Variants in POLE4 observed in about 807,000 individuals in gnomAD.
The protein encoded by POLE4 is DNA polymerase epsilon 4, accessory subunit.
In POLE4, 15 loss-of-function variants were observed where a neutral mutation model predicts 15.6. The ratio of observed to expected loss-of-function variants is 0.96; its 90% CI spans 0.64 to 1.48. The LOEUF is 1.48. POLE4 is among the 40% of genes most tolerant of loss of function. POLE4 has a pLI of 0.00. For missense variants in POLE4, 205 were observed against 151.9 expected (o/e 1.35, Z -1.84); for synonymous variants, 83 against 63.2 (o/e 1.31, Z -1.49).
intron 3 of POLE4, among the ~76,000 whole-genome samples, chr2:74,966,189 C>T (rs1671293705): frequency 6.6e-6 from 1 of 151,902 alleles, no homozygotes; most frequent in Non-Finnish European, 1.5e-5. Context: ...TTTATCAAAG[C>T]CTATTTAGTA....
chr2:74,962,265 T>C (rs1573427428), intron 3 of POLE4, among the ~76,000 whole-genome samples: 1 of 152,248 alleles, frequency 6.6e-6, no homozygotes, highest in Non-Finnish European at 1.5e-5. Context: ...ATTTTTAATG[T>C]ATTCCTTGAC....
intron 2 of POLE4, 149 bp from the exon 3 acceptor site, chr2:74,959,956 A>G (rs1425444832): frequency 1.0e-5 from 7 of 670,614 alleles, no homozygotes; most frequent in Non-Finnish European, 1.6e-5. Flanking sequence ...CTGGTAGAGT[A>G]GATATGGATC....
chr2:74,969,059 C>G (rs1347000519), intron 3 of POLE4, among the ~76,000 whole-genome samples: 1 of 152,116 alleles, frequency 6.6e-6, no homozygotes, highest in Non-Finnish European at 1.5e-5. Context: ...CTGAAACTTT[C>G]TAAAAAGATT....
Position 74,959,957 on chromosome 2 carries a change from G to C in POLE4, c.299-148G>C, listed in dbSNP as rs572280121. On this transcript the variant is annotated intron_variant, in intron 2 of 3. Transcript: ENST00000483063. ...ATATATAAGAGTTGCTGGTAGAGTAGATATGGATCTCAAGGCAGCAAGGGA... is the reference window on the plus strand; with the variant it reads ...ATATATAAGAGTTGCTGGTAGAGTACATATGGATCTCAAGGCAGCAAGGGA... The C allele has an allele frequency of 8.9e-6, 6 of 673,760 alleles. No individual in the cohort carries two copies. In the East Asian group the frequency reaches 1.5e-4, roughly 17 times the overall value. The allele number at this position is 673,760 out of a possible 1,614,324, so 41.7% of individuals were successfully genotyped here.
chr2:74,959,175 G>A (rs1413239956), intron 1 of POLE4, 166 bp from the exon 2 acceptor site: 3 of 620,962 alleles, frequency 4.8e-6, no homozygotes, highest in South Asian at 4.0e-5. Context: ...ACTGGGAAGA[G>A]GGTAGCGGAA....
chr2:74,958,778 G>T lies in POLE4; in HGVS notation c.99G>T (p.Val33=), dbSNP rs1483813033. Residue 33 remains valine, a synonymous_variant, in exon 1 of 4, where the codon GTG becomes GTT. Transcript: ENST00000483063. ...AASQPQAPTS[V]PGARLSRLPL... ...CGCAGCCCCAGGCCCCAACGAGTGT[G>T]CCTGGGGCTCGTCTCTCGAGGTTGC... 6.5e-7 allele frequency: 1 copy of T among 1,550,306 alleles called. No homozygotes were observed. Among genetic ancestry groups the T allele is most frequent in the East Asian group, 2.5e-5 (1 of 40,684 alleles).
intron 3 of POLE4, among the ~76,000 whole-genome samples, chr2:74,966,054 T>TTTTTTC (rs1317442741): frequency 6.6e-6 from 1 of 152,048 alleles, no homozygotes; most frequent in Non-Finnish European, 1.5e-5. Context: ...GTTTTGTTTT[T>TTTTTTC]TTTTTCTCTC....
In POLE4 at chr2:74,958,844, C is replaced by T. The variant is rs778591490; in HGVS notation, c.165C>T (p.Asp55=). The change falls in exon 1 of 4, where the codon GAC becomes GAT. Residue 55 remains aspartate (D), a synonymous_variant. Coordinates refer to ENST00000483063, the MANE Select transcript of POLE4 (RefSeq NM_019896.4). ...RVKALVKADP[D]VTLAGQEAIF... is the part of the protein sequence containing the mutation. ...AGGCCTTGGTGAAGGCAGATCCCGA[C>T]GTGACGCTAGCGGGACAGGAAGCCA... 1.9e-6 allele frequency: 3 copies of T among 1,561,166 alleles called. No individual in the cohort carries two copies. Among genetic ancestry groups the T allele is most frequent in the Non-Finnish European group, 2.6e-6 (3 of 1,152,830 alleles).
At chr2:74,968,410 T>C (rs1273257969) in intron 3 of POLE4, among the ~76,000 whole-genome samples, 1 of 151,938 alleles carries the variant, frequency 6.6e-6, no homozygotes, top group East Asian at 1.9e-4. Flanking sequence ...AATAAGGCTG[T>C]TTGGTAACTG....
chr2:74,968,460 C>T (rs74850382), intron 3 of POLE4, among the ~76,000 whole-genome samples: 2,891 of 152,006 alleles, frequency 0.019, 88 homozygotes, highest in African/African-American at 0.064. Context: ...TGTTGCCTGG[C>T]AGCTTTGCTT....
chr2:74,967,135 C>G (rs1414607229), intron 3 of POLE4, among the ~76,000 whole-genome samples: 1 of 152,080 alleles, frequency 6.6e-6, no homozygotes, highest in Non-Finnish European at 1.5e-5. Flanking sequence ...CTGGAAAATT[C>G]TCAGCGAGTG....
At chr2:74,969,371 A>C in intron 3 of POLE4, 38 bp from the exon 4 acceptor site, 1 of 1,607,876 alleles carries the variant, frequency 6.2e-7, no homozygotes, top group African/African-American at 1.3e-5. Context: ...CCAGCTTCTG[A>C]GGTCCCCTGA....
Position 74,970,031 on chromosome 2 carries a change from C to G in POLE4, c.*609C>G, listed in dbSNP as rs1671349894. Reference sequence around the variant, plus strand: ...CTATATTTCACCAATTTAAAGTGTACAATTCAGTGGTATTTAGTATATTCA... The same window carrying G: ...CTATATTTCACCAATTTAAAGTGTAGAATTCAGTGGTATTTAGTATATTCA... On this transcript the variant is annotated 3_prime_UTR_variant, in exon 4 of 4. Transcript: ENST00000483063. 6.6e-6 allele frequency: 1 copy of G among 152,158 alleles called. No individual in the cohort carries two copies. 9.4% of individuals were successfully genotyped at this position (152,158 alleles called of 1,614,324 possible). A position where few individuals can be genotyped will look rare whatever the true frequency, so the allele number is the denominator to read the frequency against.
intron 3 of POLE4, among the ~76,000 whole-genome samples, chr2:74,961,922 TC>T (rs1371710023): frequency 6.6e-6 from 1 of 152,244 alleles, no homozygotes; most frequent in Non-Finnish European, 1.5e-5. Flanking sequence ...TACATTTTTT[TC>T]GTTTTTATAA....
Position 74,959,406 on chromosome 2 carries a change from C to T in POLE4, c.279C>T (p.Thr93=), listed in dbSNP as rs777072143. 1.7e-5 allele frequency: 27 copies of T among 1,611,332 alleles called. No homozygotes were observed. The highest frequency in any genetic ancestry group is 2.3e-5 in the Non-Finnish European group (27 of 1,177,618). ...GCGCTCAGCAGGGAAAAAGGAAAAC[C>T]CTTCAGAGGAGAGACTTGGGTAGAG... ...YCCAQQGKRK[T]LQRRDLDNAI... The change falls in exon 2 of 4, where the codon ACC becomes ACT. Residue 93 remains threonine, a synonymous_variant. Transcript: ENST00000483063.
At chr2:74,959,876 C>G in intron 2 of POLE4, 3 of 522,026 alleles carry the variant, frequency 5.7e-6, no homozygotes, top group Non-Finnish European at 1.0e-5. Flanking sequence ...CCCCAACCCC[C>G]GCGTTGAATG....
intron 3 of POLE4, among the ~76,000 whole-genome samples, chr2:74,967,090 T>G (rs1671308096): frequency 6.6e-6 from 1 of 152,192 alleles, no homozygotes; most frequent in Non-Finnish European, 1.5e-5. Context: ...TTGTTTGAGC[T>G]TCTTGAATCT....
intron 3 of POLE4, 86 bp downstream of exon 3, chr2:74,960,232 C>A: frequency 8.8e-7 from 1 of 1,136,246 alleles, no homozygotes; most frequent in Non-Finnish European, 1.3e-6. Flanking sequence ...CGGATGCCTG[C>A]TTCTTGTTTG....
At position 74,966,418 on chromosome 2, in the gene POLE4, T is replaced by A. The variant is rs115733185; in HGVS notation, c.341-2991T>A. ...TCTTTCCTTTCTGGATTATTATTAT[T>A]TTTGAGACAGTTTCATTTCGTCACC... On this transcript the variant is annotated intron_variant, in intron 3 of 3. Transcript: ENST00000483063. Among the ~76,000 whole-genome samples, 689 of 152,318 alleles carry A rather than the reference T, an allele frequency of 4.5e-3. 2 individuals are homozygous for A. Among genetic ancestry groups the A allele is most frequent in the African/African-American group, 0.016 (645 of 41,580 alleles).
Sources: allele counts gnomAD v4.1 joint callset (sites outside exome capture counted in the v4.1 genomes callset), GRCh38; gene constraint gnomAD v4.1.1; transcripts MANE v1.5; gene names NCBI Gene and HGNC (gene_info 2026-07-23, HGNC 2026-07-21).